Variants in MAP4K5 observed in about 807,000 individuals in gnomAD.
MAP4K5 encodes the protein MAPK/ERK kinase kinase kinase 5.
MAP4K5 carries 82 observed loss-of-function variants against 135.6 expected under a neutral mutation model. The ratio of observed to expected loss-of-function variants is 0.60; its 90% CI spans 0.51 to 0.73. The LOEUF is 0.73. Ranked by LOEUF, MAP4K5 falls within the 30% of genes least tolerant of loss-of-function variation. The pLI, the probability that MAP4K5 is intolerant of heterozygous loss-of-function variation, is 0.00. For synonymous variants in MAP4K5, 347 were observed against 335.0 expected (o/e 1.04, Z -0.39); for missense variants, 907 against 1,010.9 (o/e 0.90, Z 1.39).
At chr14:50,516,625 AT>A (rs1217481616) in intron 2 of MAP4K5, among the ~76,000 whole-genome samples, 1 of 152,188 alleles carries the variant, frequency 6.6e-6, no homozygotes, top group African/African-American at 2.4e-5. Context: ...GTTTGCAGGA[AT>A]TTTTTTAAAG....
rs907599828 is a variant in MAP4K5 at position 50,545,203 on chromosome 14, C to T, written c.-179-2619G>A. Among the ~76,000 whole-genome samples, 4 of 152,304 alleles carry T rather than the reference C, an allele frequency of 2.6e-5. No homozygotes were observed. The East Asian group carries it at 7.7e-4, about 29-fold the overall frequency. On this transcript the variant is annotated intron_variant, in intron 1 of 8. Coordinates refer to the MAP4K5 transcript ENST00000555216. Reference sequence around the variant, plus strand: ...AAGGCAGTTTAGAGATGGAAAGTAGCACAGGTCTCTAGAGCTGTCCTGCTG... The same window carrying T: ...AAGGCAGTTTAGAGATGGAAAGTAGTACAGGTCTCTAGAGCTGTCCTGCTG...
intron 32 of MAP4K5, 38 bp downstream of exon 32, chr14:50,423,083 C>T (rs1321822139): frequency 1.9e-6 from 2 of 1,030,530 alleles, no homozygotes; most frequent in African/African-American, 1.6e-5. Flanking sequence ...GATCTTTGAA[C>T]TCCTTTGGTA....
At chr14:50,522,889 A>T (rs1175123162) in intron 2 of MAP4K5, among the ~76,000 whole-genome samples, 1 of 152,236 alleles carries the variant, frequency 6.6e-6, no homozygotes, top group Non-Finnish European at 1.5e-5. Flanking sequence ...GACTCTTAAT[A>T]TTTAAAGATC....
At chr14:50,475,001 T>C in intron 9 of MAP4K5, 76 bp downstream of exon 9, 1 of 1,198,740 alleles carries the variant, frequency 8.3e-7, no homozygotes, top group Non-Finnish European at 1.2e-6. Context: ...ATTACTTCTA[T>C]TACCAAGTAT....
At chr14:50,466,992 T>C (rs1595474273) in intron 10 of MAP4K5, among the ~76,000 whole-genome samples, 1 of 152,192 alleles carries the variant, frequency 6.6e-6, no homozygotes, top group African/African-American at 2.4e-5. Context: ...AGAGATGACA[T>C]GTTACTCTAA....
chr14:50,560,484 C>G, intron 1 of MAP4K5: 1 of 758,596 alleles, frequency 1.3e-6, no homozygotes, highest in Non-Finnish European at 2.2e-6. Context: ...CCCGCGTCAC[C>G]GAATCGCGCT....
At chr14:50,432,144 T>C (rs1037105708) in intron 28 of MAP4K5, among the ~76,000 whole-genome samples, 7 of 152,204 alleles carry the variant, frequency 4.6e-5, no homozygotes, top group African/African-American at 1.7e-4. Flanking sequence ...AGCACCATCC[T>C]TGGAGATAAG....
intron 3 of MAP4K5, among the ~76,000 whole-genome samples, chr14:50,495,919 A>T (rs1314767136): frequency 6.6e-6 from 1 of 152,230 alleles, no homozygotes; most frequent in Non-Finnish European, 1.5e-5. Context: ...GGCAGCAAAG[A>T]GTTGTTGTTG....
chr14:50,552,731 G>A (rs935331783), intron 1 of MAP4K5, among the ~76,000 whole-genome samples: 2 of 152,052 alleles, frequency 1.3e-5, no homozygotes, highest in Non-Finnish European at 2.9e-5. Context: ...CTAACTGGTC[G>A]TCGACAAAAC....
intron 1 of MAP4K5, among the ~76,000 whole-genome samples, chr14:50,556,398 T>A (rs1354826168): frequency 6.6e-6 from 1 of 151,960 alleles, no homozygotes; most frequent in African/African-American, 2.4e-5. Context: ...CTATTTTTTT[T>A]ATAGAGATGG....
intron 3 of MAP4K5, among the ~76,000 whole-genome samples, chr14:50,498,151 G>A (rs1390685212): frequency 2.0e-5 from 3 of 152,190 alleles, no homozygotes; most frequent in Non-Finnish European, 2.9e-5. Flanking sequence ...AATTCAGACA[G>A]AAGACAGGAA....
At chr14:50,461,186 C>T (rs1305989186) in intron 13 of MAP4K5, among the ~76,000 whole-genome samples, 6 of 151,934 alleles carry the variant, frequency 3.9e-5, no homozygotes, top group Non-Finnish European at 8.8e-5. Flanking sequence ...CCATCACATC[C>T]AGCTAATTTT....
chr14:50,553,539 A>G (rs1254151063), intron 1 of MAP4K5, among the ~76,000 whole-genome samples: 2 of 152,182 alleles, frequency 1.3e-5, no homozygotes, highest in South Asian at 2.1e-4. Flanking sequence ...GGAAAACAGT[A>G]TGGATACCCC....
chr14:50,433,337 A>G (rs2036016989), intron 28 of MAP4K5, among the ~76,000 whole-genome samples: 1 of 152,228 alleles, frequency 6.6e-6, no homozygotes, highest in South Asian at 2.1e-4. Flanking sequence ...TTTATAGACC[A>G]GTGCATGCTG....
chr14:50,530,767 TAAGC>T (rs1480657526), intron 2 of MAP4K5, among the ~76,000 whole-genome samples: 6 of 152,250 alleles, frequency 3.9e-5, no homozygotes. Context: ...AATGCTTGTT[TAAGC>T]AATAAAAAGC....
intron 9 of MAP4K5, among the ~76,000 whole-genome samples, chr14:50,469,806 G>A (rs895882420): frequency 2.6e-5 from 4 of 152,024 alleles, no homozygotes; most frequent in Non-Finnish European, 4.4e-5. Context: ...ACTGTTCAGG[G>A]GAAATATTCT....
At chr14:50,508,698 T>G (rs987749087) in intron 2 of MAP4K5, among the ~76,000 whole-genome samples, 3 of 151,546 alleles carry the variant, frequency 2.0e-5, no homozygotes, top group Non-Finnish European at 4.4e-5. Flanking sequence ...ACATGTACCC[T>G]AGAACTTAAA....
At chr14:50,519,607 T>C (rs897004916) in intron 2 of MAP4K5, among the ~76,000 whole-genome samples, 8 of 151,998 alleles carry the variant, frequency 5.3e-5, no homozygotes, top group African/African-American at 1.7e-4. Flanking sequence ...TGAGTCGAGA[T>C]TGTGCCACTG....
intron 2 of MAP4K5, among the ~76,000 whole-genome samples, chr14:50,527,982 G>A (rs1353847656): frequency 6.6e-6 from 1 of 152,166 alleles, no homozygotes; most frequent in African/African-American, 2.4e-5. Flanking sequence ...TCATGATGCT[G>A]TAGTTGTTAT....
Sources: gnomAD v4.1 joint callset for allele counts (sites outside exome capture counted in the v4.1 genomes callset) on GRCh38, gnomAD v4.1.1 for gene constraint, MANE v1.5 for transcripts, NCBI Gene and HGNC (gene_info 2026-07-23, HGNC 2026-07-21) for gene names.